The following ZBTB20 variants were observed in gnomAD, a reference collection of about 807,000 sequenced individuals.
ZBTB20 encodes zinc finger and BTB domain containing 20, also known as zinc finger and BTB domain-containing protein 20.
Under a neutral mutation model 56.9 loss-of-function variants are expected in ZBTB20, and 9 were observed. The observed-to-expected ratio is 0.16, with a 90% CI of 0.10 to 0.28. The LOEUF (loss-of-function observed/expected upper bound fraction) is 0.28, where lower values mean the gene tolerates loss of function less well. ZBTB20 is among the 10% of genes least tolerant of loss of function. The pLI is 1.00. For synonymous variants in ZBTB20, 417 were observed against 420.7 expected (o/e 0.99, Z 0.11); for missense variants, 655 against 1,003.0 (o/e 0.65, Z 4.69).
chr3:114,449,555 A>G (rs2109017261), intron 7 of ZBTB20, among the ~76,000 whole-genome samples: 1 of 152,218 alleles, frequency 6.6e-6, no homozygotes, highest in East Asian at 1.9e-4. Flanking sequence ...AGCGATGACA[A>G]CAACAAAACA....
chr3:115,051,816 A>C (rs1400746221), intron 2 of ZBTB20, among the ~76,000 whole-genome samples: 2 of 152,240 alleles, frequency 1.3e-5, no homozygotes, highest in Non-Finnish European at 2.9e-5. Flanking sequence ...TTGACTTAAT[A>C]GTTCCACAGG....
In ZBTB20 at chr3:114,412,484, C is replaced by G. The variant is rs1248290205; in HGVS notation, c.-254-23379G>C. Among the ~76,000 whole-genome samples the G allele has an allele frequency of 3.9e-5, 6 of 152,130 alleles. No individual in the cohort carries two copies. In the East Asian group the frequency reaches 1.2e-3, roughly 29 times the overall value. ...CATCTCAGTGTGACTGGGTGTATCGCTCACTCAAACCTGAAGGGATTTCTC... is the reference window on the plus strand; with the variant it reads ...CATCTCAGTGTGACTGGGTGTATCGGTCACTCAAACCTGAAGGGATTTCTC... On this transcript the variant is annotated intron_variant, in intron 7 of 11. Coordinates refer to ENST00000675478, the MANE Select transcript of ZBTB20 (RefSeq NM_001348800.3).
chr3:115,092,116 G>T (rs1400150459), intron 1 of ZBTB20, among the ~76,000 whole-genome samples: 9 of 152,102 alleles, frequency 5.9e-5, no homozygotes, highest in Non-Finnish European at 2.9e-5. Flanking sequence ...GAGAAAAGTA[G>T]TAAAGTGCAC....
intron 5 of ZBTB20, among the ~76,000 whole-genome samples, chr3:114,765,823 T>C (rs2068748131): frequency 6.6e-6 from 1 of 152,168 alleles, no homozygotes; most frequent in Non-Finnish European, 1.5e-5. Context: ...CAATAAATGA[T>C]TTCTTTACAT....
chr3:114,759,952 C>T (rs1286094546), intron 5 of ZBTB20, among the ~76,000 whole-genome samples: 1 of 152,028 alleles, frequency 6.6e-6, no homozygotes, highest in Non-Finnish European at 1.5e-5. Flanking sequence ...CAGTAATTGA[C>T]AACACACTTG....
At chr3:114,706,202 T>C (rs1032809125) in intron 5 of ZBTB20, among the ~76,000 whole-genome samples, 4 of 152,062 alleles carry the variant, frequency 2.6e-5, no homozygotes, top group Admixed American at 6.6e-5. Context: ...TCATCACCTG[T>C]GGAATAAAGA....
At chr3:114,675,720 T>A (rs552273538) in intron 6 of ZBTB20, among the ~76,000 whole-genome samples, 2 of 152,132 alleles carry the variant, frequency 1.3e-5, no homozygotes, top group Non-Finnish European at 2.9e-5. Context: ...GCAAAGTTCT[T>A]GGGCTGAAAG....
intron 5 of ZBTB20, among the ~76,000 whole-genome samples, chr3:114,729,075 T>TA (rs899794864): frequency 6.6e-6 from 1 of 151,606 alleles, no homozygotes; most frequent in African/African-American, 2.4e-5. Flanking sequence ...AACTTAAAAT[T>TA]AAAAAAATAA....
chr3:114,876,274 C>G (rs571697611), intron 4 of ZBTB20: 11 of 105,958 alleles, frequency 1.0e-4, no homozygotes, highest in African/African-American at 2.8e-4. Flanking sequence ...GTCTTTTATC[C>G]CTCACACCCT....
chr3:114,977,383 T>C (rs1006495215), intron 2 of ZBTB20, among the ~76,000 whole-genome samples: 6 of 152,074 alleles, frequency 3.9e-5, no homozygotes, highest in Non-Finnish European at 8.8e-5. Flanking sequence ...CAAATTTAAA[T>C]GAGAAAACAT....
At chr3:115,098,180 T>TACATGTATGACTTCGTGTCATACATGC (rs1035351352) in intron 1 of ZBTB20, among the ~76,000 whole-genome samples, 13 of 152,302 alleles carry the variant, frequency 8.5e-5, no homozygotes, top group Non-Finnish European at 1.2e-4. Context: ...TATTTATCCA[T>TACATGTATGACTTCGTGTCATACATGC]ACATGTATGA....
chr3:115,080,193 A>G (rs752201052), intron 1 of ZBTB20, among the ~76,000 whole-genome samples: 12 of 152,184 alleles, frequency 7.9e-5, no homozygotes, highest in Non-Finnish European at 1.5e-4. Context: ...CAGAAACACA[A>G]TGAAGAGTTA....
At chr3:114,735,891 T>C (rs2066121052) in intron 5 of ZBTB20, among the ~76,000 whole-genome samples, 1 of 152,116 alleles carries the variant, frequency 6.6e-6, no homozygotes, top group Admixed American at 6.6e-5. Flanking sequence ...CTAGCAAACC[T>C]GGGGAAAGAT....
chr3:114,875,937 G>T (rs2076174750), intron 4 of ZBTB20, among the ~76,000 whole-genome samples: 1 of 151,950 alleles, frequency 6.6e-6, no homozygotes, highest in Non-Finnish European at 1.5e-5. Context: ...TATACATTAT[G>T]AATAATAAAT....
chr3:114,665,779 C>G (rs1221356399), intron 6 of ZBTB20, among the ~76,000 whole-genome samples: 4 of 151,956 alleles, frequency 2.6e-5, no homozygotes, highest in Non-Finnish European at 4.4e-5. Context: ...TGAGAAAAAG[C>G]AAACAAACAC....
chr3:114,642,151 G>C (rs2059594241), intron 6 of ZBTB20, among the ~76,000 whole-genome samples: 1 of 152,056 alleles, frequency 6.6e-6, no homozygotes, highest in Non-Finnish European at 1.5e-5. Flanking sequence ...AGGGTAAAAA[G>C]AGGAGTGGCT....
At chr3:114,783,889 C>A (rs1270809535) in intron 5 of ZBTB20, among the ~76,000 whole-genome samples, 2 of 151,506 alleles carry the variant, frequency 1.3e-5, no homozygotes, top group Non-Finnish European at 2.9e-5. Flanking sequence ...ATCTACAGGG[C>A]TGAGAAGAGT....
intron 3 of ZBTB20, among the ~76,000 whole-genome samples, chr3:114,931,704 GTTT>G (rs934548417): frequency 6.8e-6 from 1 of 146,462 alleles, no homozygotes; most frequent in African/African-American, 2.5e-5. Context: ...GTTTTTGTGT[GTTT>G]TTTTTTTAGT....
chr3:115,146,387 G>A (rs2084974711), intron 1 of ZBTB20, among the ~76,000 whole-genome samples: 1 of 143,026 alleles, frequency 7.0e-6, no homozygotes, highest in African/African-American at 2.5e-5. Context: ...GGGGGGTGGG[G>A]GGAGGACCCA....
Sources: gnomAD v4.1 joint callset for allele counts (sites outside exome capture counted in the v4.1 genomes callset) on GRCh38, gnomAD v4.1.1 for gene constraint, MANE v1.5 for transcripts, NCBI Gene and HGNC (gene_info 2026-07-23, HGNC 2026-07-21) for gene names.